The following HSD17B6 variants were observed in gnomAD, a reference collection of about 807,000 sequenced individuals.
The protein encoded by HSD17B6 is hydroxysteroid 17-beta dehydrogenase 6, also known as 17-beta-hydroxysteroid dehydrogenase type 6.
Under a neutral mutation model 26.4 loss-of-function variants are expected in HSD17B6, and 16 were observed. That is an observed-to-expected ratio of 0.61 (90% CI 0.41 to 0.92). The LOEUF (loss-of-function observed/expected upper bound fraction) is 0.92. HSD17B6 is among the 40% of genes least tolerant of loss of function. The pLI is 0.00. For synonymous variants in HSD17B6, 139 were observed against 153.0 expected (o/e 0.91, Z 0.68); for missense variants, 357 against 386.1 (o/e 0.92, Z 0.63).
chr12:56,773,820 C>A lies in HSD17B6; in HGVS notation c.-19-14C>A. ...TAATAAGGAAGGAATAAAATGTTTT[C>A]TTTCTATTGAAAGAGAAGGAAGCAC... is the stretch of plus-strand genomic sequence containing the variant. On this transcript the variant is annotated splice_polypyrimidine_tract_variant and intron_variant, in intron 1 of 4. Coordinates refer to ENST00000322165, the MANE Select transcript of HSD17B6 (RefSeq NM_003725.4). 1.3e-6 allele frequency: 2 copies of A among 1,513,408 alleles called. No individual in the cohort carries two copies. The highest frequency in any genetic ancestry group is 8.8e-7 in the Non-Finnish European group (1 of 1,130,642). 93.7% of individuals were successfully genotyped at this position (1,513,408 alleles called of 1,614,324 possible).
intron 1 of HSD17B6, chr12:56,770,598 C>T (rs1395694160): frequency 6.6e-6 from 1 of 152,140 alleles, no homozygotes; most frequent in African/African-American, 2.4e-5. Flanking sequence ...CTTAGTATAA[C>T]TTAATTTATC....
At chr12:56,775,470 C>CTACTTAAA (rs1258023682) in intron 2 of HSD17B6, among the ~76,000 whole-genome samples, 1 of 152,070 alleles carries the variant, frequency 6.6e-6, no homozygotes, top group East Asian at 1.9e-4. Context: ...ATTATCTTGG[C>CTACTTAAA]TGCTACTTAA....
intron 2 of HSD17B6, among the ~76,000 whole-genome samples, chr12:56,774,717 C>T (rs1253016525): frequency 6.6e-6 from 1 of 152,240 alleles, no homozygotes; most frequent in Non-Finnish European, 1.5e-5. Flanking sequence ...AGATTCTCAA[C>T]AGGAGTGCAT....
chr12:56,783,470 G>A (rs1954779695), intron 3 of HSD17B6, among the ~76,000 whole-genome samples: 1 of 144,198 alleles, frequency 6.9e-6, no homozygotes, highest in African/African-American at 2.6e-5. Context: ...CTCCCGGATG[G>A]GGCAGCTGGC....
intron 2 of HSD17B6, among the ~76,000 whole-genome samples, chr12:56,780,875 C>T (rs1165236656): frequency 1.3e-5 from 2 of 149,628 alleles, no homozygotes; most frequent in African/African-American, 4.9e-5. Flanking sequence ...TTCTAAGTTG[C>T]TAGCCAATCG....
chr12:56,773,217 T>C (rs1204068371), intron 1 of HSD17B6, among the ~76,000 whole-genome samples: 1 of 152,150 alleles, frequency 6.6e-6, no homozygotes, highest in Non-Finnish European at 1.5e-5. Context: ...GTTTCATCTA[T>C]CCTCCACTGC....
Position 56,776,856 on chromosome 12 carries a change from T to C in HSD17B6, c.313+2691T>C, listed in dbSNP as rs185078912. 2.0e-5 allele frequency among the ~76,000 whole-genome samples: 3 copies of C among 152,342 alleles called. No homozygotes were observed. In the East Asian group the frequency reaches 5.8e-4, roughly 29 times the overall value. On this transcript the variant is annotated intron_variant, in intron 2 of 4. Transcript: ENST00000322165. ...TTTTTCTCGCTGCATAGTATTCCAT[T>C]GTATGTATGTACCACAGTTTATCAT...
At position 56,776,259 on chromosome 12, in the gene HSD17B6, T is replaced by C. The variant is rs1156552049; in HGVS notation, c.313+2094T>C. Among the ~76,000 whole-genome samples the C allele has an allele frequency of 2.6e-5, 4 of 151,994 alleles. No homozygotes were observed. In the East Asian group the frequency reaches 7.7e-4, roughly 29 times the overall value. ...GTTATATGTAGTCTTTTAGACTGGC[T>C]TCTTTCACTTAGCAGTATGCATTTA... On this transcript the variant is annotated intron_variant, in intron 2 of 4. Transcript: ENST00000322165.
Position 56,787,535 on chromosome 12 carries a change from CTT to C in HSD17B6, c.*195_*196del, listed in dbSNP as rs1954905189. On this transcript the variant is annotated 3_prime_UTR_variant, in exon 5 of 5. Coordinates refer to ENST00000322165, the MANE Select transcript of HSD17B6 (RefSeq NM_003725.4). ...AAGCTTACCACTTTAGGTGATGAATCTTTACTATTTTAGCCCTTTTTTGATGA... is the reference window on the plus strand; with the variant it reads ...AAGCTTACCACTTTAGGTGATGAATCTACTATTTTAGCCCTTTTTTGATGA... 1.7e-6 allele frequency: 1 copy of C among 575,108 alleles called. No homozygotes were observed. The highest frequency in any genetic ancestry group is 3.1e-6 in the Non-Finnish European group (1 of 326,060). 35.6% of individuals were successfully genotyped at this position (575,108 alleles called of 1,614,324 possible).
intron 4 of HSD17B6, chr12:56,786,040 G>GA (rs1954866126): frequency 1.5e-6 from 1 of 677,774 alleles, no homozygotes; most frequent in African/African-American, 2.0e-5. Context: ...TTGGGATGAT[G>GA]AAAATGTTCT....
chr12:56,783,251 G>GCGGC (rs1361869028), intron 3 of HSD17B6, among the ~76,000 whole-genome samples: 21 of 149,716 alleles, frequency 1.4e-4, no homozygotes, highest in Admixed American at 2.7e-4. Flanking sequence ...CCCGGACGGG[G>GCGGC]TGGCCGGGCG....
At chr12:56,767,753 A>T in intron 1 of HSD17B6, among the ~76,000 whole-genome samples, 1 of 145,586 alleles carries the variant, frequency 6.9e-6, no homozygotes, top group East Asian at 2.0e-4. Flanking sequence ...ATATATACGT[A>T]TATATATGTG....
chr12:56,780,867 C>A (rs868071608), intron 2 of HSD17B6, among the ~76,000 whole-genome samples: 48 of 140,442 alleles, frequency 3.4e-4, no homozygotes, highest in Middle Eastern at 3.6e-3. Flanking sequence ...AAAAAAAATT[C>A]TAAGTTGCTA....
chr12:56,770,216 T>G (rs1373724427), intron 1 of HSD17B6: 1 of 152,224 alleles, frequency 6.6e-6, no homozygotes, highest in African/African-American at 2.4e-5. Flanking sequence ...TATGCCTCTC[T>G]CCACTGTTTT....
intron 3 of HSD17B6, among the ~76,000 whole-genome samples, chr12:56,783,841 G>C (rs1464579054): frequency 1.3e-5 from 2 of 152,016 alleles, no homozygotes; most frequent in South Asian, 4.1e-4. Context: ...CCTCCCGGAG[G>C]GGGTGGCTGC....
chr12:56,783,117 C>A (rs1366909955), intron 3 of HSD17B6, among the ~76,000 whole-genome samples: 2 of 152,330 alleles, frequency 1.3e-5, no homozygotes, highest in South Asian at 4.1e-4. Context: ...TCCACAAAAC[C>A]GCCATCGTCA....
rs139314111 is a variant in HSD17B6, at chr12:56,771,954, T to C, written c.-19-1880T>C. ...AAGCGTTTGGTAGTTCCTCTCTTGC[T>C]TGCTTTTGCTTTCCTGCCATCATGT... is the stretch of plus-strand genomic sequence containing the variant. On this transcript the variant is annotated intron_variant, in intron 1 of 4. Coordinates refer to ENST00000322165, the MANE Select transcript of HSD17B6 (RefSeq NM_003725.4). Among the ~76,000 whole-genome samples the C allele has an allele frequency of 1.4e-3, 212 of 152,300 alleles. 1 individual carries two copies. Among genetic ancestry groups the C allele is most frequent in the African/African-American group, 4.7e-3 (197 of 41,582 alleles).
chr12:56,779,349 G>T (rs1954663322), intron 2 of HSD17B6, among the ~76,000 whole-genome samples: 1 of 152,068 alleles, frequency 6.6e-6, no homozygotes, highest in Non-Finnish European at 1.5e-5. Context: ...CATTGCCCAG[G>T]CTGGTCTCAA....
chr12:56,778,652 C>G (rs1954642965), intron 2 of HSD17B6, among the ~76,000 whole-genome samples: 1 of 149,476 alleles, frequency 6.7e-6, no homozygotes, highest in African/African-American at 2.5e-5. Flanking sequence ...GTTACAAAGA[C>G]TTTTTACCTT....
Sources: gnomAD v4.1 joint callset for allele counts (sites outside exome capture counted in the v4.1 genomes callset) on GRCh38, gnomAD v4.1.1 for gene constraint, MANE v1.5 for transcripts, NCBI Gene and HGNC (gene_info 2026-07-23, HGNC 2026-07-21) for gene names.